The following NOB1 variants were observed in gnomAD, a reference collection of about 807,000 sequenced individuals.
NOB1 encodes RNA-binding protein NOB1.
NOB1 carries 44 observed loss-of-function variants against 44.8 expected under a neutral mutation model. The ratio of observed to expected loss-of-function variants is 0.98; its 90% CI spans 0.77 to 1.26. NOB1 has a LOEUF of 1.26. Among genes scored for constraint, NOB1 ranks in the 50% most tolerant of loss-of-function variants. The probability of loss-of-function intolerance (pLI) is 0.00; values close to 1 mark genes in which losing one functional copy is unlikely to be tolerated. For synonymous variants in NOB1, 238 were observed against 218.7 expected (o/e 1.09, Z -0.78); for missense variants, 560 against 544.8 (o/e 1.03, Z -0.28).
chr16:69,748,303 G>T lies in NOB1; in HGVS notation c.753C>A (p.His251Gln). The T allele has an allele frequency of 3.7e-6, 6 of 1,613,856 alleles. No homozygotes were observed. Among genetic ancestry groups the T allele is most frequent in the Non-Finnish European group, 5.1e-6 (6 of 1,179,822 alleles). The change falls in exon 7 of 9, where the codon CAC (histidine) becomes CAA (glutamine). Residue 251 changes from histidine (H) to glutamine (Q), a missense_variant. Coordinates refer to ENST00000268802, the MANE Select transcript of NOB1 (RefSeq NM_014062.3). Reference protein sequence around the residue: ...MQNVLLQMGLHVLAVNGMLIR... With the variant: ...MQNVLLQMGLQVLAVNGMLIR... ...TCAGCATGCCGTTCACCGCCAGCACGTGCAGCCCCATCTGCAGCAGAACAT... is the reference window on the plus strand; with the variant it reads ...TCAGCATGCCGTTCACCGCCAGCACTTGCAGCCCCATCTGCAGCAGAACAT...
In NOB1 at chr16:69,754,912, T is replaced by A. The variant is rs1790806312; in HGVS notation, c.-2A>T. 4 of 1,580,070 alleles carry A rather than the reference T, an allele frequency of 2.5e-6. No homozygotes were observed. The highest frequency in any genetic ancestry group is 1.1e-5 in the South Asian group (1 of 87,308). ...CACAACGTGCTCCACTGGAGCCATG[T>A]TGGCTGCGTGAGAGGGGAGCGCGCA... is the stretch of plus-strand genomic sequence containing the variant. On this transcript the variant is annotated 5_prime_UTR_variant, in exon 1 of 9. Coordinates refer to ENST00000268802, the MANE Select transcript of NOB1 (RefSeq NM_014062.3).
intron 3 of NOB1, among the ~76,000 whole-genome samples, chr16:69,751,504 G>C (rs116330410): frequency 6.6e-6 from 1 of 150,682 alleles, no homozygotes; most frequent in African/African-American, 2.4e-5. Flanking sequence ...CTGGATGAAA[G>C]AGGGAAAAAA....
At chr16:69,750,341 T>TA (rs2038472769) in intron 3 of NOB1, among the ~76,000 whole-genome samples, 1 of 151,466 alleles carries the variant, frequency 6.6e-6, no homozygotes, top group African/African-American at 2.4e-5. Flanking sequence ...AGAATAAAAA[T>TA]AAAAAAATAG....
intron 8 of NOB1, among the ~76,000 whole-genome samples, chr16:69,743,178 C>T (rs1029463850): frequency 1.2e-4 from 19 of 152,122 alleles, no homozygotes; most frequent in Admixed American, 4.6e-4. Context: ...TAGATCACAA[C>T]CTGTAGACTA....
intron 3 of NOB1, among the ~76,000 whole-genome samples, chr16:69,750,050 G>A (rs1392570915): frequency 2.0e-5 from 3 of 150,632 alleles, no homozygotes; most frequent in South Asian, 2.1e-4. Flanking sequence ...CCAGGCCGGA[G>A]GGGAGTGGCA....
In NOB1 at chr16:69,744,899, T is replaced by C; in HGVS notation, c.943A>G (p.Lys315Glu). The C allele has an allele frequency of 6.2e-7, 1 of 1,613,800 alleles. No homozygotes were observed. Among genetic ancestry groups the C allele is most frequent in the South Asian group, 1.1e-5 (1 of 91,058 alleles). ...TLHMHFSRNP[K>E]VLNPRGLRYS... is the part of the protein sequence containing the mutation. ...CGGAGGCCGCGGGGGTTCAGCACCT[T>C]GGGGTTGCGGGAGAAGTGCATGTGC... is the stretch of plus-strand genomic sequence containing the variant. Residue 315 changes from lysine (K) to glutamate (E), a missense_variant, in exon 8 of 9, where the codon AAG (lysine) becomes GAG (glutamate). Physicochemically the swap from Lys to Glu is moderately conservative, Grantham distance 56. Coordinates refer to ENST00000268802, the MANE Select transcript of NOB1 (RefSeq NM_014062.3).
rs765197858 is a variant in NOB1 at position 69,749,284 on chromosome 16, G to A, written c.454C>T (p.Leu152=). ...KGHSACEPEN[L]EFSSFMFWRN... is the part of the protein sequence containing the mutation. ...CAGAACATGAAGGAACTAAATTCCAGGTTCTCAGGCTCACAAGCTGAGTGT... is the reference window on the plus strand; with the variant it reads ...CAGAACATGAAGGAACTAAATTCCAAGTTCTCAGGCTCACAAGCTGAGTGT... The change falls in exon 5 of 9, where the codon CTG becomes TTG. Residue 152 remains leucine (L), a synonymous_variant. Coordinates refer to ENST00000268802, the MANE Select transcript of NOB1 (RefSeq NM_014062.3). 1.1e-5 allele frequency: 18 copies of A among 1,612,830 alleles called. No homozygotes were observed. Among genetic ancestry groups the A allele is most frequent in the Non-Finnish European group, 1.5e-5 (18 of 1,179,722 alleles).
chr16:69,749,410 C>G (rs925219165), intron 4 of NOB1, 72 bp from the exon 5 acceptor site: 7 of 1,567,350 alleles, frequency 4.5e-6, no homozygotes, highest in Non-Finnish European at 6.1e-6. Context: ...CAGATGAAAT[C>G]ACATATGATA....
rs1324031101 is a variant in NOB1, at chr16:69,742,615, A to G, written c.970-14T>C. 1 of 1,613,118 alleles carries G rather than the reference A, an allele frequency of 6.2e-7. No homozygotes were observed. The highest frequency in any genetic ancestry group is 8.5e-7 in the Non-Finnish European group (1 of 1,179,178). ...GGGAAGCGAGTACTGGAAATAAGAC[A>G]AGGAAGGGCCATTAGAAGAAGGGGA... is the stretch of plus-strand genomic sequence containing the variant. On this transcript the variant is annotated splice_polypyrimidine_tract_variant and intron_variant, in intron 8 of 8. Transcript: ENST00000268802.
chr16:69,752,180 T>G lies in NOB1; in HGVS notation c.327+61A>C. On this transcript the variant is annotated intron_variant, in intron 3 of 8. Transcript: ENST00000268802. ...GGGTCCATTACACTAGTCCTTCTAC[T>G]TTTGTATACCTGACAGTTCCCATAA... is the stretch of plus-strand genomic sequence containing the variant. 1.9e-6 allele frequency: 3 copies of G among 1,540,420 alleles called. No individual in the cohort carries two copies. The East Asian group carries it at 6.8e-5, about 35-fold the overall frequency.
At chr16:69,753,675 A>G (rs1231776388) in intron 2 of NOB1, among the ~76,000 whole-genome samples, 1 of 152,218 alleles carries the variant, frequency 6.6e-6, no homozygotes, top group East Asian at 1.9e-4. Context: ...AGGAGGTAAC[A>G]TCATCTCCAC....
chr16:69,749,666 C>A, intron 3 of NOB1, 36 bp from the exon 4 acceptor site: 7 of 1,501,956 alleles, frequency 4.7e-6, no homozygotes, highest in East Asian at 2.3e-5. Flanking sequence ...CTCTTGTTAT[C>A]AAAATTAAAG....
rs563131307 is a variant in NOB1, at chr16:69,743,732, T to C, written c.970-1131A>G. ...AGACAAGATGACAAAATGCAACGTTTCATCCTAGACTGGATTCTGGACCCA... is the reference window on the plus strand; with the variant it reads ...AGACAAGATGACAAAATGCAACGTTCCATCCTAGACTGGATTCTGGACCCA... On this transcript the variant is annotated intron_variant, in intron 8 of 8. Coordinates refer to ENST00000268802, the MANE Select transcript of NOB1 (RefSeq NM_014062.3). Among the ~76,000 whole-genome samples the C allele has an allele frequency of 2.6e-5, 4 of 152,338 alleles. No individual in the cohort carries two copies. In the East Asian group the frequency reaches 5.8e-4, roughly 22 times the overall value.
In NOB1 at chr16:69,744,863, C is replaced by T. The variant is rs1159181728; in HGVS notation, c.969+10G>A. On this transcript the variant is annotated intron_variant, in intron 8 of 8. Coordinates refer to ENST00000268802, the MANE Select transcript of NOB1 (RefSeq NM_014062.3). ...GGTGTTGGGAGGGGACTGGGAGAGG[C>T]GCCACTCACCCGGAGGCCGCGGGGG... is the stretch of plus-strand genomic sequence containing the variant. 11 of 1,610,970 alleles carry T rather than the reference C, an allele frequency of 6.8e-6. No individual in the cohort carries two copies. Among genetic ancestry groups the T allele is most frequent in the Admixed American group, 3.4e-5 (2 of 59,524 alleles).
chr16:69,749,083 C>T lies in NOB1; in HGVS notation c.561G>A (p.Glu187=). ...CTTCAAACCCGTTTTCTTCCTCCTCCTCCTCCTCACTTGGAACGTCCTCAC... is the reference window on the plus strand; with the variant it reads ...CTTCAAACCCGTTTTCTTCCTCCTCTTCCTCCTCACTTGGAACGTCCTCAC... ...DRGEDVPSEE[E]EEEENGFEDR... Residue 187 remains glutamate, a synonymous_variant, in exon 6 of 9, where the codon GAG becomes GAA. Coordinates refer to ENST00000268802, the MANE Select transcript of NOB1 (RefSeq NM_014062.3). 1.9e-6 allele frequency: 3 copies of T among 1,614,240 alleles called. No individual in the cohort carries two copies. Among genetic ancestry groups the T allele is most frequent in the Non-Finnish European group, 2.5e-6 (3 of 1,180,040 alleles).
At chr16:69,743,473 A>G (rs2038402242) in intron 8 of NOB1, among the ~76,000 whole-genome samples, 1 of 152,214 alleles carries the variant, frequency 6.6e-6, no homozygotes, top group Non-Finnish European at 1.5e-5. Flanking sequence ...AGTTAGTATC[A>G]CCAGTAAATT....
Position 69,752,373 on chromosome 16 carries a change from T to C in NOB1, c.197-2A>G, listed in dbSNP as rs764821465. On this transcript the variant is annotated splice_acceptor_variant, in intron 2 of 8. Transcript: ENST00000268802. LOFTEE classifies it high-confidence loss of function. ...CTGTTTTCTTTGAAAACTCAGTCAC[T>C]GTAAACAACAGATTTACATCTTCAG... is the stretch of plus-strand genomic sequence containing the variant. 6.2e-7 allele frequency: 1 copy of C among 1,611,882 alleles called. No homozygotes were observed. Among genetic ancestry groups the C allele is most frequent in the Non-Finnish European group, 8.5e-7 (1 of 1,178,114 alleles).
At chr16:69,749,783 G>A (rs899930347) in intron 3 of NOB1, among the ~76,000 whole-genome samples, 153 bp from the exon 4 acceptor site, 1 of 151,798 alleles carries the variant, frequency 6.6e-6, no homozygotes, top group Admixed American at 6.6e-5. Context: ...TTGGAGACCA[G>A]CCTGGCCAAC....
chr16:69,751,676 G>A (rs1476100096), intron 3 of NOB1, among the ~76,000 whole-genome samples: 5 of 152,220 alleles, frequency 3.3e-5, no homozygotes, highest in African/African-American at 1.2e-4. Context: ...TAGGTGTAAT[G>A]ATGGCTTTAA....
Sources: gnomAD v4.1 joint callset for allele counts (sites outside exome capture counted in the v4.1 genomes callset) on GRCh38, gnomAD v4.1.1 for gene constraint, MANE v1.5 for transcripts, NCBI Gene and HGNC (gene_info 2026-07-23, HGNC 2026-07-21) for gene names.